SYNDIG1: variants seen among roughly 807,000 people sequenced by gnomAD.
SYNDIG1 encodes synapse differentiation-inducing gene protein 1.
A neutral mutation model predicts 19.4 loss-of-function variants in SYNDIG1; 9 were observed. That is an observed-to-expected ratio of 0.46 (90% confidence interval 0.28 to 0.81). SYNDIG1 has a LOEUF of 0.81. SYNDIG1 is among the 30% of genes least tolerant of loss of function. The pLI is 0.12. For synonymous variants in SYNDIG1, 141 were observed against 145.9 expected, an observed-to-expected ratio of 0.97 and a Z score of 0.24; for missense variants, 311 against 343.3, an observed-to-expected ratio of 0.91 and a Z score of 0.74.
chr20:24,480,748 G>T (rs189332503), intron 1 of SYNDIG1, among the ~76,000 whole-genome samples: 1 of 152,226 alleles, frequency 6.6e-6, no homozygotes, highest in Non-Finnish European at 1.5e-5. Context: ...CAGATGAGCG[G>T]ATAAGCAAAA....
chr20:24,556,416 T>C (rs6106902), intron 2 of SYNDIG1, among the ~76,000 whole-genome samples: 10,268 of 152,268 alleles, frequency 0.067, 567 homozygotes, highest in African/African-American at 0.15. Context: ...GTCTTTACAA[T>C]TTGGCATGAT....
intron 3 of SYNDIG1, among the ~76,000 whole-genome samples, chr20:24,624,151 A>G (rs2059083216): frequency 6.6e-6 from 1 of 151,466 alleles, no homozygotes; most frequent in Non-Finnish European, 1.5e-5. Context: ...AGTCCCAGCT[A>G]CTTGGGAGGC....
intron 2 of SYNDIG1, among the ~76,000 whole-genome samples, chr20:24,573,385 AC>A (rs1315918874): frequency 6.6e-6 from 1 of 151,930 alleles, no homozygotes; most frequent in Middle Eastern, 3.2e-3. Context: ...CCCACTCCCT[AC>A]CCCCAGCTTT....
chr20:24,565,523 C>G (rs1456726145), intron 2 of SYNDIG1, among the ~76,000 whole-genome samples: 3 of 152,156 alleles, frequency 2.0e-5, no homozygotes, highest in Non-Finnish European at 4.4e-5. Flanking sequence ...CTGGCCCAGG[C>G]TGGGTGATGT....
Position 24,543,538 on chromosome 20 carries a change from C to G in SYNDIG1, c.441C>G (p.Ser147=). The part of the protein sequence containing the change: ...SADDIKIHTL[S]YDVEEEEEFQ... ...ATGACATAAAAATCCACACCCTGTC[C>G]TACGATGTGGAGGAGGAGGAGGAGT... The change falls in exon 2 of 4, where the codon TCC becomes TCG. Residue 147 remains serine (S), a synonymous_variant. Transcript: ENST00000376862. 6.2e-7 allele frequency: 1 copy of G among 1,605,280 alleles called. No homozygotes were observed. The highest frequency in any genetic ancestry group is 1.7e-5 in the Admixed American group (1 of 60,012).
intron 1 of SYNDIG1, 68 bp from the exon 2 acceptor site, chr20:24,542,952 G>A: frequency 8.2e-7 from 1 of 1,226,182 alleles, no homozygotes; most frequent in South Asian, 1.5e-5. Context: ...GAAACAATGT[G>A]GGTCTGGGTG....
At chr20:24,499,366 A>G (rs958237257) in intron 1 of SYNDIG1, among the ~76,000 whole-genome samples, 4 of 152,192 alleles carry the variant, frequency 2.6e-5, no homozygotes, top group Non-Finnish European at 5.9e-5. Context: ...TTCAGCCACA[A>G]GTGGTCAGAG....
chr20:24,609,042 T>A (rs906715325), intron 3 of SYNDIG1, among the ~76,000 whole-genome samples: 6 of 152,212 alleles, frequency 3.9e-5, no homozygotes, highest in Non-Finnish European at 7.4e-5. Context: ...AATCCAGGGC[T>A]ATTTTACGTA....
intron 1 of SYNDIG1, among the ~76,000 whole-genome samples, chr20:24,520,374 A>G (rs1017214800): frequency 6.6e-6 from 1 of 152,120 alleles, no homozygotes; most frequent in South Asian, 2.1e-4. Flanking sequence ...TATTTTCCAG[A>G]AAGTGTAGAA....
At chr20:24,483,886 G>C (rs1029465967) in intron 1 of SYNDIG1, among the ~76,000 whole-genome samples, 6 of 152,168 alleles carry the variant, frequency 3.9e-5, no homozygotes, top group African/African-American at 1.4e-4. Flanking sequence ...GCAGGCCAGC[G>C]GGGATGCTGC....
intron 1 of SYNDIG1, among the ~76,000 whole-genome samples, chr20:24,481,821 C>G (rs570688439): frequency 6.6e-6 from 1 of 152,064 alleles, no homozygotes; most frequent in South Asian, 2.1e-4. Flanking sequence ...TTTATATCTC[C>G]CTATTTCATA....
At chr20:24,584,527 C>T (rs1293305963) in intron 2 of SYNDIG1, among the ~76,000 whole-genome samples, 1 of 152,196 alleles carries the variant, frequency 6.6e-6, no homozygotes. Context: ...CAGTCCCATC[C>T]TTTGTCCCCA....
chr20:24,506,008 CAG>C (rs1200472244), intron 1 of SYNDIG1, among the ~76,000 whole-genome samples: 1 of 152,214 alleles, frequency 6.6e-6, no homozygotes, highest in Non-Finnish European at 1.5e-5. Flanking sequence ...TGGCAGGAAT[CAG>C]AGAGGAGTCA....
rs528879105 is a variant in SYNDIG1, at chr20:24,633,845, G to A, written c.619-31501G>A. ...GGAGCCCCAGCACCTAGGGGAGGCC[G>A]TGGTTCAGGGTTGTTGGGGTGTGGG... On this transcript the variant is annotated intron_variant, in intron 3 of 3. Transcript: ENST00000376862. 5.3e-5 allele frequency among the ~76,000 whole-genome samples: 8 copies of A among 152,266 alleles called. No homozygotes were observed. The South Asian group carries it at 8.3e-4, about 16-fold the overall frequency.
At chr20:24,498,489 C>T (rs1182860993) in intron 1 of SYNDIG1, among the ~76,000 whole-genome samples, 1 of 152,224 alleles carries the variant, frequency 6.6e-6, no homozygotes, top group Admixed American at 6.5e-5. Context: ...TTTTGTGCCT[C>T]TTGACCAACA....
intron 3 of SYNDIG1, among the ~76,000 whole-genome samples, chr20:24,609,237 T>TA (rs1404543124): frequency 2.6e-5 from 4 of 152,212 alleles, no homozygotes; most frequent in Non-Finnish European, 5.9e-5. Context: ...CTTAGGGAGT[T>TA]ATAAGAATCC....
At chr20:24,648,734 C>T (rs1376897454) in intron 3 of SYNDIG1, among the ~76,000 whole-genome samples, 2 of 152,200 alleles carry the variant, frequency 1.3e-5, no homozygotes, top group East Asian at 1.9e-4. Flanking sequence ...GTGTTAGAAA[C>T]GAGTGCCCAA....
chr20:24,531,713 C>G (rs1321369471), intron 1 of SYNDIG1, among the ~76,000 whole-genome samples: 1 of 152,134 alleles, frequency 6.6e-6, no homozygotes, highest in Non-Finnish European at 1.5e-5. Flanking sequence ...TTTTACAATG[C>G]ATAATTCCCC....
intron 3 of SYNDIG1, among the ~76,000 whole-genome samples, chr20:24,627,638 G>A (rs1249168179): frequency 2.0e-5 from 3 of 152,260 alleles, no homozygotes; most frequent in Admixed American, 1.3e-4. Flanking sequence ...CGGTTCCCGG[G>A]ACTGGAACTG....
Sources: allele counts gnomAD v4.1 joint callset (sites outside exome capture counted in the v4.1 genomes callset), GRCh38; gene constraint gnomAD v4.1.1; transcripts MANE v1.5; gene names NCBI Gene and HGNC (gene_info 2026-07-23, HGNC 2026-07-21).